The following TNPO1 variants were observed in gnomAD, a reference collection of about 807,000 sequenced individuals.
TNPO1 encodes the protein transportin 1.
In TNPO1, 8 loss-of-function variants were observed where a neutral mutation model predicts 119.5. The ratio of observed to expected loss-of-function variants is 0.07; its 90% CI spans 0.04 to 0.12. The LOEUF is 0.12. TNPO1 is among the 10% of genes least tolerant of loss of function. The pLI, the probability that TNPO1 is intolerant of heterozygous loss-of-function variation, is 1.00. For synonymous variants in TNPO1, 362 were observed against 363.0 expected (o/e 1.00, Z 0.03); for missense variants, 576 against 1,089.8 (o/e 0.53, Z 6.64).
At chr5:72,868,768 A>G (rs1747149568) in intron 6 of TNPO1, among the ~76,000 whole-genome samples, 1 of 151,708 alleles carries the variant, frequency 6.6e-6, no homozygotes, top group South Asian at 2.1e-4. Flanking sequence ...CTTAAAGTTT[A>G]GGCTGGGCGC....
At chr5:72,862,098 A>G (rs1262830932) in intron 5 of TNPO1, among the ~76,000 whole-genome samples, 184 bp downstream of exon 5, 1 of 152,212 alleles carries the variant, frequency 6.6e-6, no homozygotes, top group African/African-American at 2.4e-5. Context: ...AAACTGTTAC[A>G]TTATAAACCT....
rs969892403 is a variant in TNPO1 at position 72,913,099 on chromosome 5, T to G, written c.*4426T>G. Reference sequence around the variant, plus strand: ...GGCTTGGGATAATTTAAGTGAAAAGTGAGATCAGTAATGAGCTGTGTTGTT... The same window carrying G: ...GGCTTGGGATAATTTAAGTGAAAAGGGAGATCAGTAATGAGCTGTGTTGTT... On this transcript the variant is annotated 3_prime_UTR_variant, in exon 25 of 25. Transcript: ENST00000337273. 2.0e-5 allele frequency: 3 copies of G among 152,518 alleles called. No homozygotes were observed. Among genetic ancestry groups the G allele is most frequent in the Admixed American group, 6.6e-5 (1 of 15,266 alleles). 9.4% of individuals were successfully genotyped at this position (152,518 alleles called of 1,614,324 possible).
At chr5:72,854,894 C>G (rs1745863054) in intron 3 of TNPO1, among the ~76,000 whole-genome samples, 1 of 152,098 alleles carries the variant, frequency 6.6e-6, no homozygotes, top group South Asian at 2.1e-4. Flanking sequence ...TATAAATTAA[C>G]AGCAATTATA....
At chr5:72,877,134 C>G (rs1375334352) in intron 8 of TNPO1, 94 bp from the exon 9 acceptor site, 1 of 556,542 alleles carries the variant, frequency 1.8e-6, no homozygotes, top group African/African-American at 2.0e-5. Context: ...AGGTTGAAAA[C>G]CATAAGGTCA....
intron 3 of TNPO1, 53 bp from the exon 4 acceptor site, chr5:72,855,721 A>G: frequency 6.9e-7 from 1 of 1,451,674 alleles, no homozygotes; most frequent in Non-Finnish European, 9.3e-7. Flanking sequence ...TTATCGGCAC[A>G]TTTTGAAATT....
rs1168822476 is a variant in TNPO1, at chr5:72,910,170, T to A, written c.*1497T>A. On this transcript the variant is annotated 3_prime_UTR_variant, in exon 25 of 25. Transcript: ENST00000337273. ...TACACTGTATTTTGGCGCATGTTGGTGGCCCTCTGTGCCCTAGATATATGC... is the reference window on the plus strand; with the variant it reads ...TACACTGTATTTTGGCGCATGTTGGAGGCCCTCTGTGCCCTAGATATATGC... The A allele has an allele frequency of 6.6e-6, 1 of 152,574 alleles. No homozygotes were observed. Among genetic ancestry groups the A allele is most frequent in the African/African-American group, 2.4e-5 (1 of 41,430 alleles). The allele number at this position is 152,574 out of a possible 1,614,324, so 9.5% of individuals were successfully genotyped here.
intron 24 of TNPO1, among the ~76,000 whole-genome samples, chr5:72,907,711 G>T (rs1750268297): frequency 1.3e-5 from 2 of 152,162 alleles, no homozygotes; most frequent in African/African-American, 4.8e-5. Context: ...ATGACCAAGT[G>T]AAATAGGATC....
intron 6 of TNPO1, among the ~76,000 whole-genome samples, chr5:72,872,349 C>G (rs1481729506): frequency 6.6e-6 from 1 of 152,068 alleles, no homozygotes; most frequent in Non-Finnish European, 1.5e-5. Flanking sequence ...AAAAATTTTG[C>G]CCCTCCCCAA....
chr5:72,868,458 A>AAAAAAAAAAAAAAAAC, intron 6 of TNPO1, among the ~76,000 whole-genome samples: 1 of 113,414 alleles, frequency 8.8e-6, no homozygotes, highest in Non-Finnish European at 2.1e-5. Context: ...AAAAAAAAAA[A>AAAAAAAAAAAAAAAAC]ACACAAAATA....
chr5:72,854,373 TG>T (rs1427580008), intron 3 of TNPO1, among the ~76,000 whole-genome samples: 1 of 152,222 alleles, frequency 6.6e-6, no homozygotes, highest in African/African-American at 2.4e-5. Flanking sequence ...TGCCTCTACA[TG>T]TTGCTTCACT....
At position 72,835,677 on chromosome 5, in the gene TNPO1, C is replaced by T. The variant is rs1744666041; in HGVS notation, c.16-12708C>T. 1.3e-5 allele frequency among the ~76,000 whole-genome samples: 2 copies of T among 152,196 alleles called. 1 individual carries two copies. Among genetic ancestry groups the T allele is most frequent in the African/African-American group, 4.8e-5 (2 of 41,444 alleles). On this transcript the variant is annotated intron_variant, in intron 1 of 24. Transcript: ENST00000337273. ...AGTTTCAAGATGAATTTTGGTAGGA[C>T]ACATTCAAATCATAGCATTCTGCCC...
At chr5:72,831,064 A>C (rs1236683292) in intron 1 of TNPO1, among the ~76,000 whole-genome samples, 1 of 152,114 alleles carries the variant, frequency 6.6e-6, no homozygotes, top group Non-Finnish European at 1.5e-5. Flanking sequence ...ATGTATTAAG[A>C]AGACTCTTAT....
At position 72,893,687 on chromosome 5, in the gene TNPO1, T is replaced by C; in HGVS notation, c.2127T>C (p.His709=). ...LGDLTKACFQ[H]VKPCIADFMP... Reference sequence around the variant, plus strand: ...ACCTCACAAAAGCTTGCTTTCAGCATGTTAAGCCTTGTATAGGTATGAATA... The same window carrying C: ...ACCTCACAAAAGCTTGCTTTCAGCACGTTAAGCCTTGTATAGGTATGAATA... Residue 709 remains histidine, a synonymous_variant, in exon 18 of 25, where the codon CAT becomes CAC. Transcript: ENST00000337273. The C allele has an allele frequency of 6.2e-7, 1 of 1,614,194 alleles. No homozygotes were observed. The highest frequency in any genetic ancestry group is 1.1e-5 in the South Asian group (1 of 91,088).
At chr5:72,846,197 G>A (rs1745118934) in intron 1 of TNPO1, among the ~76,000 whole-genome samples, 1 of 152,114 alleles carries the variant, frequency 6.6e-6, no homozygotes, top group African/African-American at 2.4e-5. Flanking sequence ...TATTATGTAG[G>A]GACATTGGTA....
At chr5:72,872,751 C>G in intron 7 of TNPO1, 31 bp downstream of exon 7, 1 of 1,512,456 alleles carries the variant, frequency 6.6e-7, no homozygotes, top group Non-Finnish European at 9.0e-7. Context: ...CCTCCCAACC[C>G]CCCAGCTTTT....
At position 72,882,195 on chromosome 5, in the gene TNPO1, TTC is replaced by T. The variant is rs1259022338; in HGVS notation, c.921-270_921-269del. ...TCTAATGTTTAATTACTACTAATCTTTCTATTTTAGAATTTAGAAGGACTTTG... is the reference window on the plus strand; with the variant it reads ...TCTAATGTTTAATTACTACTAATCTTTATTTTAGAATTTAGAAGGACTTTG... On this transcript the variant is annotated intron_variant, in intron 9 of 24. Transcript: ENST00000337273. 3.9e-5 allele frequency among the ~76,000 whole-genome samples: 6 copies of T among 152,318 alleles called. No homozygotes were observed. The East Asian group carries it at 1.2e-3, about 29-fold the overall frequency.
rs1750627844 is a variant in TNPO1 at position 72,912,431 on chromosome 5, AAT to A, written c.*3761_*3762del. On this transcript the variant is annotated 3_prime_UTR_variant, in exon 25 of 25. Coordinates refer to ENST00000337273, the MANE Select transcript of TNPO1 (RefSeq NM_002270.4). ...AAATGCTTTGTCTACTCAGTTATAA[AAT>A]ATTCAGATACAAGTTTTATCTCAGG... The A allele has an allele frequency of 6.6e-6, 1 of 152,478 alleles. No homozygotes were observed. The highest frequency in any genetic ancestry group is 6.6e-5 in the Admixed American group (1 of 15,260). 9.4% of individuals were successfully genotyped at this position (152,478 alleles called of 1,614,324 possible). A position where few individuals can be genotyped will look rare whatever the true frequency, so the allele number is the denominator to read the frequency against.
rs1311591136 is a variant in TNPO1 at position 72,877,271 on chromosome 5, T to C, written c.845T>C (p.Leu282Ser). The change falls in exon 9 of 25, where the codon TTA (leucine) becomes TCA (serine). Residue 282 changes from leucine (L) to serine (S), a missense_variant. Coordinates refer to ENST00000337273, the MANE Select transcript of TNPO1 (RefSeq NM_002270.4). ...RTQDQDENVA[L>S]EACEFWLTLA... ...CAAGATCAAGATGAAAATGTGGCTT[T>C]AGAAGCCTGTGAATTTTGGCTAACT... 22 of 1,613,158 alleles carry C rather than the reference T, an allele frequency of 1.4e-5. No homozygotes were observed. The highest frequency in any genetic ancestry group is 1.9e-5 in the Non-Finnish European group (22 of 1,179,416).
intron 24 of TNPO1, among the ~76,000 whole-genome samples, chr5:72,907,621 A>G (rs964947511): frequency 1.3e-5 from 2 of 152,328 alleles, no homozygotes; most frequent in Non-Finnish European, 1.5e-5. Flanking sequence ...TTATTTCTTA[A>G]TATCCTTTTT....
Sources: allele counts gnomAD v4.1 joint callset (sites outside exome capture counted in the v4.1 genomes callset), GRCh38; gene constraint gnomAD v4.1.1; transcripts MANE v1.5; gene names NCBI Gene and HGNC (gene_info 2026-07-23, HGNC 2026-07-21).